The following PDE6G variants were observed in gnomAD, a reference collection of about 807,000 sequenced individuals.
PDE6G encodes rod cGMP 3',5'-cyclic phosphodiesterase subunit gamma.
A neutral mutation model predicts 10.9 loss-of-function variants in PDE6G; 10 were observed. The observed-to-expected ratio is 0.91, with a 90% CI of 0.56 to 1.55. The LOEUF is 1.55. PDE6G is among the 40% of genes most tolerant of loss of function. PDE6G has a pLI of 0.00. For synonymous variants in PDE6G, 41 were observed against 42.8 expected, an observed-to-expected ratio of 0.96 and a Z score of 0.16; for missense variants, 102 against 110.1, an observed-to-expected ratio of 0.93 and a Z score of 0.33.
Position 81,653,347 on chromosome 17 carries a change from A to G in PDE6G, c.-42T>C. On this transcript the variant is annotated 5_prime_UTR_variant, in exon 2 of 4. Transcript: ENST00000331056. The surrounding 1 kb of genome is among the most constrained non-coding windows in gnomAD (Gnocchi z 5.2). ...ACACCGCGGCAACCTTGGCTCCTGG[A>G]CTCCCTCCTGCTGCGGTCTGGGGGC... is the stretch of plus-strand genomic sequence containing the variant. The G allele has an allele frequency of 1.9e-6, 3 of 1,603,844 alleles. No homozygotes were observed. Among genetic ancestry groups the G allele is most frequent in the Non-Finnish European group, 2.5e-6 (3 of 1,178,892 alleles).
chr17:81,656,622 G>A (rs772682965), upstream of PDE6G: 2 of 718,218 alleles, frequency 2.8e-6, no homozygotes. Flanking sequence ...TAATGAGATT[G>A]TTGGGCCCCG....
At chr17:81,652,089 C>T (rs554118090) in intron 2 of PDE6G, among the ~76,000 whole-genome samples, 5 of 152,222 alleles carry the variant, frequency 3.3e-5, no homozygotes, top group Middle Eastern at 3.4e-3. Flanking sequence ...GTGTCATGCC[C>T]GTGTGTGCGC....
chr17:81,659,635 G>T (rs2036491984), upstream of PDE6G, among the ~76,000 whole-genome samples: 1 of 152,032 alleles, frequency 6.6e-6, no homozygotes, highest in South Asian at 2.1e-4. Context: ...ATTAAACGGT[G>T]ATGTGGAACA....
chr17:81,653,374 G>T lies in PDE6G; in HGVS notation c.-59-10C>A. On this transcript the variant is annotated splice_polypyrimidine_tract_variant and intron_variant, in intron 1 of 3. Coordinates refer to ENST00000331056, the MANE Select transcript of PDE6G (RefSeq NM_002602.4). This position sits in a 1 kb window ranked among gnomAD's most constrained non-coding sequence, Gnocchi z 5.2. ...TCCCTCCTGCTGCGGTCTGGGGGCA[G>T]ACCAGGCCCGGGTCCCAGTCAGCCC... 1 of 1,571,840 alleles carries T rather than the reference G, an allele frequency of 6.4e-7. No homozygotes were observed. The highest frequency in any genetic ancestry group is 1.1e-5 in the South Asian group (1 of 89,562).
intron 1 of PDE6G, among the ~76,000 whole-genome samples, chr17:81,654,664 G>C (rs917754834): frequency 6.6e-6 from 1 of 151,780 alleles, no homozygotes; most frequent in African/African-American, 2.4e-5. Context: ...TTACAGGCGT[G>C]AGCCACCGCG....
upstream of PDE6G, among the ~76,000 whole-genome samples, chr17:81,658,699 G>A (rs1440084335): frequency 2.0e-5 from 3 of 151,846 alleles, no homozygotes; most frequent in African/African-American, 7.3e-5. Flanking sequence ...AAATTAGCTG[G>A]GCGTGGTGGC....
In PDE6G at chr17:81,650,907, C is replaced by T. The variant is rs1367781823; in HGVS notation, c.*167G>A. ...GCATCCTAGAGGGAGGTGGTGGGCT[C>T]CTGGTGACTGGTATTAATATGTAGG... On this transcript the variant is annotated 3_prime_UTR_variant, in exon 4 of 4. Coordinates refer to ENST00000331056, the MANE Select transcript of PDE6G (RefSeq NM_002602.4). 6.4e-6 allele frequency: 4 copies of T among 627,164 alleles called. No homozygotes were observed. Among genetic ancestry groups the T allele is most frequent in the African/African-American group, 1.9e-5 (1 of 51,788 alleles). 38.8% of individuals were successfully genotyped at this position (627,164 alleles called of 1,614,324 possible). A position where few individuals can be genotyped will look rare whatever the true frequency, so the allele number is the denominator to read the frequency against.
Position 81,651,287 on chromosome 17 carries a change from G to A in PDE6G, c.188-137C>T. The A allele has an allele frequency of 1.4e-6, 1 of 706,632 alleles. No homozygotes were observed. The highest frequency in any genetic ancestry group is 2.5e-6 in the Non-Finnish European group (1 of 394,778). The allele number at this position is 706,632 out of a possible 1,614,324, so 43.8% of individuals were successfully genotyped here. A position where few individuals can be genotyped will look rare whatever the true frequency, so the allele number is the denominator to read the frequency against. ...GGGGACGTGCGGACGCTGGAGTGGGGCCCTCCTCTGGGGACACACTGGCTG... is the reference window on the plus strand; with the variant it reads ...GGGGACGTGCGGACGCTGGAGTGGGACCCTCCTCTGGGGACACACTGGCTG... On this transcript the variant is annotated intron_variant, in intron 3 of 3. Coordinates refer to ENST00000331056, the MANE Select transcript of PDE6G (RefSeq NM_002602.4). This position sits in a 1 kb window ranked among gnomAD's most constrained non-coding sequence, Gnocchi z 4.8.
chr17:81,662,452 G>A (rs183178302), intron 1 of PDE6G, among the ~76,000 whole-genome samples: 61 of 152,226 alleles, frequency 4.0e-4, no homozygotes, highest in Admixed American at 3.8e-3. Flanking sequence ...GCAAAACCAC[G>A]TCTCTACTAA....
chr17:81,655,740 C>G (rs936676478), intron 1 of PDE6G, among the ~76,000 whole-genome samples: 1 of 152,250 alleles, frequency 6.6e-6, no homozygotes, highest in Non-Finnish European at 1.5e-5. Flanking sequence ...GGGACCACCT[C>G]TTGGGGTCCC....
rs1251570984 is a variant in PDE6G, at chr17:81,653,918, C to T, written c.-59-554G>A. Among the ~76,000 whole-genome samples, 2 of 152,136 alleles carry T rather than the reference C, an allele frequency of 1.3e-5. No homozygotes were observed. Among genetic ancestry groups the T allele is most frequent in the African/African-American group, 2.4e-5 (1 of 41,426 alleles). On this transcript the variant is annotated intron_variant, in intron 1 of 3. Transcript: ENST00000331056. This position sits in a 1 kb window ranked among gnomAD's most constrained non-coding sequence, Gnocchi z 5.2. The stretch of plus-strand genomic sequence containing the variant: ...CTCCGCCTCCCGGGTTCAAGTGATT[C>T]TCCTGCCTCAGCCTCCCCAGCAGCT...
Position 81,651,575 on chromosome 17 carries a change from G to T in PDE6G, c.187+70C>A. On this transcript the variant is annotated intron_variant, in intron 3 of 3. Transcript: ENST00000331056. The surrounding 1 kb of genome is among the most constrained non-coding windows in gnomAD (Gnocchi z 4.8). ...TGGGGGCCGAGGTGGGCTGCAATGG[G>T]CCCCGGGCGTGCTGGGTGTGCCTGG... is the stretch of plus-strand genomic sequence containing the variant. 6.9e-7 allele frequency: 1 copy of T among 1,455,618 alleles called. No individual in the cohort carries two copies. Among genetic ancestry groups the T allele is most frequent in the Non-Finnish European group, 9.7e-7 (1 of 1,036,006 alleles). 90.2% of individuals were successfully genotyped at this position (1,455,618 alleles called of 1,614,324 possible).
chr17:81,656,905 C>T (rs1432198762), upstream of PDE6G: 11 of 436,838 alleles, frequency 2.5e-5, no homozygotes, highest in East Asian at 4.9e-4. Flanking sequence ...GGCCCTCACC[C>T]GCTGCTGTGG....
rs1345782782 is a variant in PDE6G at position 81,653,614 on chromosome 17, CCT to C, written c.-59-252_-59-251del. Reference sequence around the variant, plus strand: ...GGCCACACACAGCTCCGGACTCCCCCCTGTCCTGGCCTCCCTCGCCCCGGCCC... The same window carrying C: ...GGCCACACACAGCTCCGGACTCCCCCGTCCTGGCCTCCCTCGCCCCGGCCC... On this transcript the variant is annotated intron_variant, in intron 1 of 3. Coordinates refer to ENST00000331056, the MANE Select transcript of PDE6G (RefSeq NM_002602.4). This position sits in a 1 kb window ranked among gnomAD's most constrained non-coding sequence, Gnocchi z 5.2. 3.9e-5 allele frequency: 17 copies of C among 430,866 alleles called. No homozygotes were observed. Among genetic ancestry groups the C allele is most frequent in the Non-Finnish European group, 6.1e-5 (14 of 230,284 alleles). The allele number at this position is 430,866 out of a possible 1,614,324, so 26.7% of individuals were successfully genotyped here. A position where few individuals can be genotyped will look rare whatever the true frequency, so the allele number is the denominator to read the frequency against.
intron 1 of PDE6G, among the ~76,000 whole-genome samples, chr17:81,662,170 A>G (rs933147339): frequency 2.2e-4 from 33 of 152,074 alleles, no homozygotes; most frequent in Non-Finnish European, 4.0e-4. Context: ...TATAAAAGCA[A>G]CATGTGTCCA....
In PDE6G at chr17:81,651,523, G is replaced by T; in HGVS notation, c.187+122C>A. On this transcript the variant is annotated intron_variant, in intron 3 of 3. Transcript: ENST00000331056. The surrounding 1 kb of genome is among the most constrained non-coding windows in gnomAD (Gnocchi z 4.8). ...GGGGAAGAAGTGATGGACAGGCTGG[G>T]GGTCCCTAAGTGAAAAGCAGGGGAG... 1.2e-6 allele frequency: 1 copy of T among 829,760 alleles called. No homozygotes were observed. The highest frequency in any genetic ancestry group is 1.4e-5 in the South Asian group (1 of 71,716). 51.4% of individuals were successfully genotyped at this position (829,760 alleles called of 1,614,324 possible). A position where few individuals can be genotyped will look rare whatever the true frequency, so the allele number is the denominator to read the frequency against.
chr17:81,652,559 G>A (rs1260856180), intron 2 of PDE6G, among the ~76,000 whole-genome samples: 4 of 151,896 alleles, frequency 2.6e-5, no homozygotes, highest in Non-Finnish European at 5.9e-5. Flanking sequence ...TTACAGGCAT[G>A]AGCCACCGCC....
chr17:81,654,564 A>G (rs2144404805), intron 1 of PDE6G, among the ~76,000 whole-genome samples: 1 of 151,662 alleles, frequency 6.6e-6, no homozygotes, highest in Non-Finnish European at 1.5e-5. Context: ...TTGTGTTTTT[A>G]GTACAGATGG....
Position 81,653,153 on chromosome 17 carries a change from T to C in PDE6G, c.146+7A>G. 6.2e-6 allele frequency: 10 copies of C among 1,613,434 alleles called. No individual in the cohort carries two copies. The highest frequency in any genetic ancestry group is 8.5e-6 in the Non-Finnish European group (10 of 1,179,610). On this transcript the variant is annotated splice_region_variant and intron_variant, in intron 2 of 3. Coordinates refer to ENST00000331056, the MANE Select transcript of PDE6G (RefSeq NM_002602.4). The surrounding 1 kb of genome is among the most constrained non-coding windows in gnomAD (Gnocchi z 5.2). The stretch of plus-strand genomic sequence containing the variant: ...TTTCAGAGGCCCCATCCCCCAGCTC[T>C]GCTTACCCTTGAACGCCTTTCTTTG...
Sources: allele counts gnomAD v4.1 joint callset (sites outside exome capture counted in the v4.1 genomes callset), GRCh38; gene constraint gnomAD v4.1.1; non-coding constraint Gnocchi (gnomAD v3.1); transcripts MANE v1.5; gene names NCBI Gene and HGNC (gene_info 2026-07-23, HGNC 2026-07-21).